The following MTHFD1L variants were observed in gnomAD, a reference collection of about 807,000 sequenced individuals.
The protein encoded by MTHFD1L is monofunctional C1-tetrahydrofolate synthase, mitochondrial.
In MTHFD1L, 81 loss-of-function variants were observed where a neutral mutation model predicts 119.5. That is an observed-to-expected ratio of 0.68 (90% CI 0.57 to 0.82). The LOEUF is 0.82. Among genes scored for constraint, MTHFD1L ranks in the 40% least tolerant of loss-of-function variants. The pLI is 0.00. For synonymous variants in MTHFD1L, 430 were observed against 475.2 expected (o/e 0.90, Z 1.24); for missense variants, 1,125 against 1,253.4 (o/e 0.90, Z 1.55).
At position 151,053,640 on chromosome 6, in the gene MTHFD1L, AC is replaced by A. The variant is rs1237188368; in HGVS notation, c.2847+16525del. On this transcript the variant is annotated intron_variant, in intron 26 of 27. Coordinates refer to ENST00000367321, the MANE Select transcript of MTHFD1L (RefSeq NM_015440.5). ...TTTGGGAGGCTGAGGCAGGTGGATC[AC>A]CTGAGGTCGGGAATTGAAGACCAAA... Among the ~76,000 whole-genome samples, 3 of 152,186 alleles carry A rather than the reference AC, an allele frequency of 2.0e-5. No individual in the cohort carries two copies. The East Asian group carries it at 5.8e-4, about 29-fold the overall frequency.
At chr6:150,960,519 TA>T in intron 18 of MTHFD1L, 104 bp downstream of exon 18, 1 of 1,425,582 alleles carries the variant, frequency 7.0e-7, no homozygotes, top group Non-Finnish European at 9.3e-7. Context: ...GTAATGAGGA[TA>T]CAGAAAAAGT....
At chr6:151,075,811 G>A (rs1792437652) in intron 26 of MTHFD1L, among the ~76,000 whole-genome samples, 1 of 152,042 alleles carries the variant, frequency 6.6e-6, no homozygotes, top group Non-Finnish European at 1.5e-5. Context: ...AAAGACATCT[G>A]GAAACACTCC....
Position 150,940,128 on chromosome 6 carries a change from C to T in MTHFD1L, c.1440+1383C>T, listed in dbSNP as rs1407409425. 3.3e-5 allele frequency among the ~76,000 whole-genome samples: 5 copies of T among 152,122 alleles called. No individual in the cohort carries two copies. In the South Asian group the frequency reaches 6.2e-4, roughly 19 times the overall value. On this transcript the variant is annotated intron_variant, in intron 13 of 27. Coordinates refer to ENST00000367321, the MANE Select transcript of MTHFD1L (RefSeq NM_015440.5). ...ACCCCACAGACTCCCTCTGTGTTTA[C>T]GGCTATCTGGTTCAGTTGGCTGTGG...
intron 5 of MTHFD1L, 57 bp downstream of exon 5, chr6:150,882,943 G>A: frequency 7.0e-7 from 1 of 1,436,418 alleles, no homozygotes. Context: ...TTTCTATTGT[G>A]CCTGCTTTTA....
chr6:150,905,373 A>G (rs1322993741), intron 7 of MTHFD1L, among the ~76,000 whole-genome samples: 1 of 152,126 alleles, frequency 6.6e-6, no homozygotes, highest in Non-Finnish European at 1.5e-5. Flanking sequence ...TGGTGAAAAC[A>G]TGTAAATGAT....
chr6:150,961,401 GTTAAC>G (rs1298446723), intron 18 of MTHFD1L, among the ~76,000 whole-genome samples: 2 of 152,140 alleles, frequency 1.3e-5, no homozygotes, highest in African/African-American at 4.8e-5. Context: ...GCCTTTTCCA[GTTAAC>G]TTAAACTCCA....
chr6:150,964,856 G>A (rs1796968883), intron 18 of MTHFD1L, 113 bp from the exon 19 acceptor site: 1 of 863,250 alleles, frequency 1.2e-6, no homozygotes. Context: ...TGTGGCCCAG[G>A]GTTGCCTGTG....
intron 24 of MTHFD1L, among the ~76,000 whole-genome samples, chr6:151,027,224 T>C (rs1784725687): frequency 6.6e-6 from 1 of 152,160 alleles, no homozygotes; most frequent in Admixed American, 6.5e-5. Flanking sequence ...CTGTGATCTC[T>C]TGACTTTAAT....
At chr6:150,878,712 G>A (rs1780880177) in intron 4 of MTHFD1L, among the ~76,000 whole-genome samples, 1 of 152,188 alleles carries the variant, frequency 6.6e-6, no homozygotes, top group South Asian at 2.1e-4. Flanking sequence ...GTGAGGCCCA[G>A]CAGGTCTGCT....
chr6:150,865,824 TG>T lies in MTHFD1L; in HGVS notation c.5del (p.Gly2?). On this transcript the variant is annotated frameshift_variant and start_lost, in exon 1 of 28. Transcript: ENST00000367321. LOFTEE classifies it high-confidence loss of function. Reference sequence around the variant, plus strand: ...CCTGAGAACCAGCCGTCCCGCGCCATGGGCACGCGTCTGCCGCTCGTCCTGC... The same window carrying T: ...CCTGAGAACCAGCCGTCCCGCGCCATGGCACGCGTCTGCCGCTCGTCCTGC... [M>X]GTRLPLVLRQ... 2.4e-6 allele frequency: 3 copies of T among 1,271,614 alleles called. No homozygotes were observed. The highest frequency in any genetic ancestry group is 2.0e-6 in the Non-Finnish European group (2 of 1,001,350). 78.8% of individuals were successfully genotyped at this position (1,271,614 alleles called of 1,614,324 possible).
At chr6:150,931,147 G>C (rs1790958312) in intron 11 of MTHFD1L, among the ~76,000 whole-genome samples, 1 of 152,058 alleles carries the variant, frequency 6.6e-6, no homozygotes, top group Non-Finnish European at 1.5e-5. Context: ...TTTCTGTGCA[G>C]AAGTTTCTAG....
chr6:151,087,509 T>C (rs1047862059), intron 26 of MTHFD1L, among the ~76,000 whole-genome samples: 17 of 152,204 alleles, frequency 1.1e-4, no homozygotes, highest in African/African-American at 4.1e-4. Flanking sequence ...TTTGTTGTTG[T>C]GGTTGTTGTT....
intron 1 of MTHFD1L, among the ~76,000 whole-genome samples, chr6:150,867,957 C>T (rs1408722077): frequency 6.6e-6 from 1 of 151,924 alleles, no homozygotes; most frequent in Non-Finnish European, 1.5e-5. Context: ...GCCACCACGC[C>T]CGGCTAATTT....
At chr6:150,971,771 G>A (rs1436774023) in intron 19 of MTHFD1L, among the ~76,000 whole-genome samples, 176 bp from the exon 20 acceptor site, 4 of 152,120 alleles carry the variant, frequency 2.6e-5, no homozygotes, top group African/African-American at 4.8e-5. Flanking sequence ...TCTAGAATCC[G>A]GAGGGAATTT....
chr6:150,984,617 A>T (rs1293372712), intron 20 of MTHFD1L, among the ~76,000 whole-genome samples: 2 of 151,924 alleles, frequency 1.3e-5, no homozygotes, highest in Non-Finnish European at 2.9e-5. Flanking sequence ...GTAAAAAAGT[A>T]CCTACCGTCC....
rs1035010818 is a variant in MTHFD1L, at chr6:150,926,301, A to T, written c.1256+6A>T. 5.0e-6 allele frequency: 8 copies of T among 1,606,256 alleles called. No individual in the cohort carries two copies. In the African/African-American group the frequency reaches 1.1e-4, roughly 21 times the overall value. Reference sequence around the variant, plus strand: ...AAATACGTCTTAGTTGCTGGGTAAGACACCATCTAACATCTACTTGATCAA... The same window carrying T: ...AAATACGTCTTAGTTGCTGGGTAAGTCACCATCTAACATCTACTTGATCAA... On this transcript the variant is annotated splice_donor_region_variant and intron_variant, in intron 11 of 27. Transcript: ENST00000367321. The surrounding 1 kb of genome is among the most constrained non-coding windows in gnomAD (Gnocchi z 4.3).
chr6:150,978,200 C>CT (rs144411663), intron 20 of MTHFD1L, among the ~76,000 whole-genome samples: 3 of 148,740 alleles, frequency 2.0e-5, no homozygotes, highest in Admixed American at 1.3e-4. Flanking sequence ...ACCTGGCCAC[C>CT]TTTTTTTTTT....
At chr6:150,930,022 T>A (rs1790755533) in intron 11 of MTHFD1L, among the ~76,000 whole-genome samples, 1 of 152,216 alleles carries the variant, frequency 6.6e-6, no homozygotes, top group African/African-American at 2.4e-5. Flanking sequence ...AATGATATAT[T>A]TTTTAGGGCT....
chr6:151,098,525 C>A (rs1328266991), intron 27 of MTHFD1L, among the ~76,000 whole-genome samples: 1 of 152,196 alleles, frequency 6.6e-6, no homozygotes, highest in Non-Finnish European at 1.5e-5. Flanking sequence ...CAGCTTTATA[C>A]TTAAATAATC....
Sources: allele counts gnomAD v4.1 joint callset (sites outside exome capture counted in the v4.1 genomes callset), GRCh38; gene constraint gnomAD v4.1.1; non-coding constraint Gnocchi (gnomAD v3.1); transcripts MANE v1.5; gene names NCBI Gene and HGNC (gene_info 2026-07-23, HGNC 2026-07-21).